Variants in ARHGEF7 observed in about 807,000 individuals in gnomAD.
The protein encoded by ARHGEF7 is Rho guanine nucleotide exchange factor 7.
ARHGEF7 carries 33 observed loss-of-function variants against 109.8 expected under a neutral mutation model. The observed-to-expected ratio is 0.30, with a 90% CI of 0.23 to 0.40. The LOEUF (loss-of-function observed/expected upper bound fraction) is 0.40, where lower values mean the gene tolerates loss of function less well. Among genes scored for constraint, ARHGEF7 ranks in the 10% least tolerant of loss-of-function variants. ARHGEF7 has a pLI of 1.00. For missense variants in ARHGEF7, 938 were observed against 1,098.5 expected, an observed-to-expected ratio of 0.85 and a Z score of 2.07; for synonymous variants, 458 against 424.6, an observed-to-expected ratio of 1.08 and a Z score of -0.97.
intron 1 of ARHGEF7, chr13:111,116,212 C>G (rs1290796591): frequency 6.5e-6 from 1 of 152,740 alleles, no homozygotes; most frequent in Non-Finnish European, 1.5e-5. Context: ...AAACGATCTA[C>G]TACTTTCCCC....
intron 9 of ARHGEF7, among the ~76,000 whole-genome samples, chr13:111,269,409 C>T (rs367782639): frequency 1.3e-5 from 2 of 152,296 alleles, no homozygotes; most frequent in Non-Finnish European, 2.9e-5. Flanking sequence ...TCCTAAAATG[C>T]GAAGCCATTC....
intron 1 of ARHGEF7, among the ~76,000 whole-genome samples, chr13:111,150,358 A>G (rs1847508405): frequency 6.6e-6 from 1 of 152,184 alleles, no homozygotes; most frequent in Non-Finnish European, 1.5e-5. Context: ...GGTGACTTTC[A>G]TCCCTGACTA....
chr13:111,261,501 A>G (rs2091088223), intron 8 of ARHGEF7, among the ~76,000 whole-genome samples: 1 of 152,234 alleles, frequency 6.6e-6, no homozygotes, highest in Non-Finnish European at 1.5e-5. Flanking sequence ...CCCCAATACA[A>G]TAATAGCTAG....
At chr13:111,135,459 G>A (rs2075040259) in intron 1 of ARHGEF7, among the ~76,000 whole-genome samples, 2 of 152,148 alleles carry the variant, frequency 1.3e-5, no homozygotes, top group South Asian at 4.1e-4. Context: ...ATTTGTTTGT[G>A]TCCTCTTTTA....
intron 8 of ARHGEF7, among the ~76,000 whole-genome samples, chr13:111,249,210 A>G (rs890721402): frequency 3.9e-5 from 6 of 152,110 alleles, no homozygotes; most frequent in African/African-American, 1.4e-4. Flanking sequence ...CACATAACAA[A>G]GTTGGCTGCC....
At chr13:111,123,202 C>T (rs895168765) in intron 1 of ARHGEF7, among the ~76,000 whole-genome samples, 2 of 152,208 alleles carry the variant, frequency 1.3e-5, no homozygotes, top group African/African-American at 2.4e-5. Flanking sequence ...CTTGGAAAGG[C>T]TTGCACTTTT....
At chr13:111,301,119 T>C (rs2093556562) in intron 20 of ARHGEF7, among the ~76,000 whole-genome samples, 2 of 152,154 alleles carry the variant, frequency 1.3e-5, no homozygotes, top group African/African-American at 4.8e-5. Flanking sequence ...TGGCTAATTT[T>C]TGTATTTTTA....
chr13:111,167,793 G>T (rs1251839283), intron 2 of ARHGEF7, among the ~76,000 whole-genome samples: 2 of 152,190 alleles, frequency 1.3e-5, no homozygotes, highest in African/African-American at 2.4e-5. Context: ...CTGAGGCCAT[G>T]CTAGGAATGC....
At chr13:111,215,449 C>T (rs888802233) in intron 4 of ARHGEF7, among the ~76,000 whole-genome samples, 1 of 151,778 alleles carries the variant, frequency 6.6e-6, no homozygotes, top group Non-Finnish European at 1.5e-5. Flanking sequence ...TGCTGTTTTC[C>T]TCCCCTGGCC....
chr13:111,294,949 G>C, intron 19 of ARHGEF7: 8 of 985,440 alleles, frequency 8.1e-6, no homozygotes, highest in Non-Finnish European at 9.6e-6. Context: ...ACACAGTAAT[G>C]TGTATATAGT....
chr13:111,124,081 C>A (rs1052401476), intron 1 of ARHGEF7, among the ~76,000 whole-genome samples: 1 of 151,798 alleles, frequency 6.6e-6, no homozygotes, highest in African/African-American at 2.4e-5. Flanking sequence ...TATCTGGTTT[C>A]TCTCTGTTTC....
chr13:111,233,161 T>C, intron 5 of ARHGEF7, 44 bp from the exon 6 acceptor site: 1 of 1,524,970 alleles, frequency 6.6e-7, no homozygotes, highest in South Asian at 1.1e-5. Flanking sequence ...ACTTTTGTCA[T>C]CTTTAGTACT....
At chr13:111,154,084 C>A in intron 2 of ARHGEF7, 93 bp downstream of exon 2, 1 of 1,269,904 alleles carries the variant, frequency 7.9e-7, no homozygotes, top group Non-Finnish European at 1.1e-6. Context: ...CTCCTGCCTC[C>A]TCCGCGCCCG....
chr13:111,255,127 C>T lies in ARHGEF7; in HGVS notation c.950+10833C>T, dbSNP rs1384630722. Among the ~76,000 whole-genome samples, 2 of 83,170 alleles carry T rather than the reference C, an allele frequency of 2.4e-5. No homozygotes were observed. Among genetic ancestry groups the T allele is most frequent in the Middle Eastern group, 6.9e-3 (1 of 144 alleles). The allele number at this position is 83,170 out of a possible 152,430, so 54.6% of individuals were successfully genotyped here. A position where few individuals can be genotyped will look rare whatever the true frequency, so the allele number is the denominator to read the frequency against. On this transcript the variant is annotated intron_variant, in intron 8 of 21. Coordinates refer to ENST00000646102, the MANE Select transcript of ARHGEF7 (RefSeq NM_001354046.2). This position sits in a 1 kb window ranked among gnomAD's most constrained non-coding sequence, Gnocchi z 4.1. Reference sequence around the variant, plus strand: ...GAGGATTCGGGCTAAGGCGCTGAGTCGCTAACGTGAAGGCCGGGCCCAGAA... The same window carrying T: ...GAGGATTCGGGCTAAGGCGCTGAGTTGCTAACGTGAAGGCCGGGCCCAGAA...
intron 20 of ARHGEF7, among the ~76,000 whole-genome samples, 181 bp downstream of exon 20, chr13:111,301,028 A>G (rs2093554067): frequency 6.6e-6 from 1 of 151,728 alleles, no homozygotes; most frequent in African/African-American, 2.4e-5. Context: ...AGCTCACTGC[A>G]ACCTCCACCT....
In ARHGEF7 at chr13:111,145,101, A is replaced by G. The variant is rs2075525414; in HGVS notation, c.166-8804A>G. Among the ~76,000 whole-genome samples, 1 of 152,070 alleles carries G rather than the reference A, an allele frequency of 6.6e-6. No homozygotes were observed. The highest frequency in any genetic ancestry group is 2.1e-4 in the South Asian group (1 of 4,828). On this transcript the variant is annotated intron_variant, in intron 1 of 21. Coordinates refer to ENST00000646102, the MANE Select transcript of ARHGEF7 (RefSeq NM_001354046.2). This position sits in a 1 kb window ranked among gnomAD's most constrained non-coding sequence, Gnocchi z 4.3. ...GTTCCCCACGTTCCCTACCACACCA[A>G]ACATAACTTGGAGATTGTGACATAT...
At chr13:111,142,024 T>C (rs1176954064) in intron 1 of ARHGEF7, among the ~76,000 whole-genome samples, 1 of 152,272 alleles carries the variant, frequency 6.6e-6, no homozygotes, top group Non-Finnish European at 1.5e-5. Flanking sequence ...GCCATTCTAA[T>C]AGGTATGCAG....
At chr13:111,155,427 T>C (rs576250131) in intron 2 of ARHGEF7, among the ~76,000 whole-genome samples, 1 of 152,348 alleles carries the variant, frequency 6.6e-6, no homozygotes, top group African/African-American at 2.4e-5. Flanking sequence ...AGAAATTTAT[T>C]GTTGGTAGTA....
intron 18 of ARHGEF7, among the ~76,000 whole-genome samples, chr13:111,291,441 C>T (rs148442097): frequency 4.6e-5 from 7 of 152,348 alleles, no homozygotes; most frequent in African/African-American, 7.2e-5. Flanking sequence ...ACCCTGCCTG[C>T]GGGCTAAGCT....
Sources: allele counts gnomAD v4.1 joint callset (sites outside exome capture counted in the v4.1 genomes callset), GRCh38; gene constraint gnomAD v4.1.1; non-coding constraint Gnocchi (gnomAD v3.1); transcripts MANE v1.5; gene names NCBI Gene and HGNC (gene_info 2026-07-23, HGNC 2026-07-21).